Variants in KRAS observed in about 807,000 individuals in gnomAD.
The protein encoded by KRAS is GTPase KRas.
A neutral mutation model predicts 21.0 loss-of-function variants in KRAS; 1 was observed. That is an observed-to-expected ratio of 0.05 (90% CI 0.02 to 0.23). The LOEUF is 0.23. Ranked by LOEUF, KRAS falls within the 10% of genes least tolerant of loss-of-function variation. KRAS has a pLI of 1.00. For missense variants in KRAS, 107 were observed against 221.8 expected (o/e 0.48, Z 3.29); for synonymous variants, 67 against 72.5 (o/e 0.92, Z 0.39).
intron 2 of KRAS, among the ~76,000 whole-genome samples, chr12:25,232,806 T>C (rs1418082144): frequency 2.0e-5 from 3 of 152,194 alleles, no homozygotes; most frequent in Non-Finnish European, 4.4e-5. Context: ...AAATGTACTA[T>C]ACTGGCAAGA....
intron 2 of KRAS, among the ~76,000 whole-genome samples, chr12:25,244,490 G>A (rs1951651136): frequency 6.6e-6 from 1 of 152,072 alleles, no homozygotes; most frequent in South Asian, 2.1e-4. Flanking sequence ...TCCCCTCCTG[G>A]AGGTCTTTGA....
intron 2 of KRAS, among the ~76,000 whole-genome samples, chr12:25,239,049 A>G (rs1202364686): frequency 6.6e-6 from 1 of 152,206 alleles, no homozygotes; most frequent in African/African-American, 2.4e-5. Context: ...TACCCTTCCT[A>G]GCAGTTATCA....
At chr12:25,235,229 G>A in intron 2 of KRAS, 1 of 564,140 alleles carries the variant, frequency 1.8e-6, no homozygotes, top group Non-Finnish European at 3.4e-6. Context: ...AATAACACCT[G>A]TAGGAAAAGA....
intron 4 of KRAS, among the ~76,000 whole-genome samples, chr12:25,214,397 T>A (rs1951231873): frequency 6.6e-6 from 1 of 151,904 alleles, no homozygotes; most frequent in South Asian, 2.1e-4. Context: ...CTTTTTTTTT[T>A]TTTTTTTGAG....
chr12:25,246,394 C>T (rs1218137952), intron 1 of KRAS, among the ~76,000 whole-genome samples: 2 of 152,084 alleles, frequency 1.3e-5, no homozygotes, highest in Non-Finnish European at 2.9e-5. Context: ...CCTCTCTCTA[C>T]TAAAAATACA....
chr12:25,216,711 A>G (rs1469739173), intron 4 of KRAS, among the ~76,000 whole-genome samples: 1 of 152,210 alleles, frequency 6.6e-6, no homozygotes, highest in Admixed American at 6.5e-5. Flanking sequence ...GTACAATCAT[A>G]TATTGGCCAT....
intron 4 of KRAS, among the ~76,000 whole-genome samples, chr12:25,220,887 T>C (rs1308215679): frequency 2.6e-5 from 4 of 151,578 alleles, no homozygotes; most frequent in African/African-American, 9.7e-5. Context: ...CAGTCAGGTG[T>C]GGTGGTGCGT....
chr12:25,226,847 T>C lies in KRAS; in HGVS notation c.290+387A>G, dbSNP rs563070702. ...ATCCAATCCAAGCAATTCTATGCTATACACACGATTGCTTTTAAGACTGTT... is the reference window on the plus strand; with the variant it reads ...ATCCAATCCAAGCAATTCTATGCTACACACACGATTGCTTTTAAGACTGTT... On this transcript the variant is annotated intron_variant, in intron 3 of 4. Transcript: ENST00000311936. Among the ~76,000 whole-genome samples, 8 of 152,362 alleles carry C rather than the reference T, an allele frequency of 5.3e-5. No individual in the cohort carries two copies. In the East Asian group the frequency reaches 1.3e-3, roughly 26 times the overall value.
intron 2 of KRAS, among the ~76,000 whole-genome samples, chr12:25,241,361 T>C (rs563140239): frequency 6.6e-6 from 1 of 152,272 alleles, no homozygotes; most frequent in South Asian, 2.1e-4. Context: ...AAGCAAATAA[T>C]TTGACCAGTA....
rs1162154677 is a variant in KRAS at position 25,205,724 on chromosome 12, A to G, written c.*4071T>C. ...AGATGGGCCCTCAACATATCTGCAGATAACTTTTTTTTCCCCTAAATTCAT... is the reference window on the plus strand; with the variant it reads ...AGATGGGCCCTCAACATATCTGCAGGTAACTTTTTTTTCCCCTAAATTCAT... On this transcript the variant is annotated 3_prime_UTR_variant, in exon 5 of 5. Coordinates refer to ENST00000311936, the MANE Select transcript of KRAS (RefSeq NM_004985.5). The G allele has an allele frequency of 2.2e-5, 4 of 183,524 alleles. No individual in the cohort carries two copies. Among genetic ancestry groups the G allele is most frequent in the East Asian group, 8.4e-5 (1 of 11,880 alleles). The allele number at this position is 183,524 out of a possible 1,614,324, so 11.4% of individuals were successfully genotyped here. A position where few individuals can be genotyped will look rare whatever the true frequency, so the allele number is the denominator to read the frequency against.
intron 1 of KRAS, among the ~76,000 whole-genome samples, chr12:25,246,953 T>C (rs1165127734): frequency 6.6e-6 from 1 of 151,668 alleles, no homozygotes; most frequent in Non-Finnish European, 1.5e-5. Flanking sequence ...ATCTCAGTAA[T>C]CAGTAATCCA....
chr12:25,221,556 C>A (rs555199767), intron 4 of KRAS, among the ~76,000 whole-genome samples: 3 of 152,058 alleles, frequency 2.0e-5, no homozygotes, highest in African/African-American at 7.2e-5. Context: ...TTATACTATG[C>A]ACAAGCTAAC....
intron 4 of KRAS, among the ~76,000 whole-genome samples, chr12:25,215,800 G>A (rs1951248719): frequency 6.6e-6 from 1 of 152,096 alleles, no homozygotes; most frequent in South Asian, 2.1e-4. Flanking sequence ...TTTAAATTAG[G>A]AATTAGGAGA....
Position 25,209,782 on chromosome 12 carries a change from G to T in KRAS, c.*13C>A. 6.2e-7 allele frequency: 1 copy of T among 1,604,470 alleles called. No homozygotes were observed. The highest frequency in any genetic ancestry group is 8.5e-7 in the Non-Finnish European group (1 of 1,173,006). ...TGTACTAGTATGCCTTAAGAAAAAA[G>T]TACAAATTGTATTTACATAATTACA... On this transcript the variant is annotated 3_prime_UTR_variant, in exon 5 of 5. Coordinates refer to ENST00000311936, the MANE Select transcript of KRAS (RefSeq NM_004985.5).
chr12:25,225,154 A>G (rs1951374281), intron 4 of KRAS: 1 of 151,930 alleles, frequency 6.6e-6, no homozygotes, highest in African/African-American at 2.4e-5. Context: ...TTCTCCAGAA[A>G]TAAACACATC....
intron 4 of KRAS, among the ~76,000 whole-genome samples, chr12:25,224,915 T>A (rs569554252): frequency 1.3e-5 from 2 of 152,288 alleles, no homozygotes; most frequent in East Asian, 3.9e-4. Context: ...TTCCTTCCTA[T>A]CTTTATGTAT....
intron 2 of KRAS, among the ~76,000 whole-genome samples, chr12:25,228,025 G>A (rs556333781): frequency 2.0e-5 from 3 of 152,128 alleles, no homozygotes; most frequent in African/African-American, 7.2e-5. Flanking sequence ...CCATAAAAAG[G>A]AATAAAATTT....
chr12:25,218,021 A>C (rs970444289), intron 4 of KRAS, among the ~76,000 whole-genome samples: 11 of 152,232 alleles, frequency 7.2e-5, no homozygotes, highest in Non-Finnish European at 8.8e-5. Flanking sequence ...AAGCAACATA[A>C]ATAATTTAAG....
intron 4 of KRAS, among the ~76,000 whole-genome samples, chr12:25,224,373 T>C (rs1951364489): frequency 6.6e-6 from 1 of 151,886 alleles, no homozygotes; most frequent in Non-Finnish European, 1.5e-5. Context: ...CCTGACCCTG[T>C]GTAGGCCTAG....
Sources: gnomAD v4.1 joint callset for allele counts (sites outside exome capture counted in the v4.1 genomes callset) on GRCh38, gnomAD v4.1.1 for gene constraint, MANE v1.5 for transcripts, NCBI Gene and HGNC (gene_info 2026-07-23, HGNC 2026-07-21) for gene names.